APAF1: variants seen among roughly 807,000 people sequenced by gnomAD.
APAF1 encodes apoptotic peptidase activating factor 1.
APAF1 carries 91 observed loss-of-function variants against 152.4 expected under a neutral mutation model. That is an observed-to-expected ratio of 0.60 (90% CI 0.50 to 0.71). The LOEUF is 0.71. Among genes scored for constraint, APAF1 ranks in the 30% least tolerant of loss-of-function variants. APAF1 has a pLI of 0.00. For missense variants in APAF1, 1,283 were observed against 1,472.0 expected, an observed-to-expected ratio of 0.87 and a Z score of 2.10; for synonymous variants, 484 against 494.1, an observed-to-expected ratio of 0.98 and a Z score of 0.27.
intron 4 of APAF1, among the ~76,000 whole-genome samples, chr12:98,652,907 G>T (rs1482912590): frequency 1.3e-5 from 2 of 152,176 alleles, no homozygotes; most frequent in African/African-American, 4.8e-5. Context: ...TTACAGGCGT[G>T]AGCCACTGTG....
rs2097764235 is a variant in APAF1, at chr12:98,732,815, A to C, written c.*249A>C. On this transcript the variant is annotated 3_prime_UTR_variant, in exon 27 of 27. Coordinates refer to ENST00000551964, the MANE Select transcript of APAF1 (RefSeq NM_181861.2). Reference sequence around the variant, plus strand: ...AGGATGCAAATGAAAATGTGAATACATACCTTGTTGTACTGTTGGTAAAAT... The same window carrying C: ...AGGATGCAAATGAAAATGTGAATACCTACCTTGTTGTACTGTTGGTAAAAT... The C allele has an allele frequency of 8.9e-6, 4 of 451,546 alleles. No individual in the cohort carries two copies. Among genetic ancestry groups the C allele is most frequent in the Non-Finnish European group, 1.6e-5 (4 of 249,890 alleles). The allele number at this position is 451,546 out of a possible 1,614,324, so 28.0% of individuals were successfully genotyped here. A position where few individuals can be genotyped will look rare whatever the true frequency, so the allele number is the denominator to read the frequency against.
At chr12:98,709,950 G>A (rs1277875899) in intron 20 of APAF1, among the ~76,000 whole-genome samples, 1 of 152,068 alleles carries the variant, frequency 6.6e-6, no homozygotes, top group Non-Finnish European at 1.5e-5. Context: ...ATCTTGGCTC[G>A]CTGCAACCTC....
intron 5 of APAF1, among the ~76,000 whole-genome samples, chr12:98,660,248 A>T (rs1286536836): frequency 6.6e-6 from 1 of 152,118 alleles, no homozygotes; most frequent in Non-Finnish European, 1.5e-5. Flanking sequence ...CAGGAGGCTA[A>T]GGTGGGAGGA....
rs2097671817 is a variant in APAF1 at position 98,665,679 on chromosome 12, A to T, written c.1082A>T (p.Tyr361Phe). The change falls in exon 8 of 27, where the codon TAT becomes TTT. Residue 361 changes from tyrosine (Y) to phenylalanine (F), a missense_variant. Transcript: ENST00000551964. Reference protein sequence around the residue: ...KRIRKSSSYDYEALDEAMSIS... With the variant: ...KRIRKSSSYDFEALDEAMSIS... Reference sequence around the variant, plus strand: ...ATAAGGAAATCTTCGTCTTATGATTATGAGGCTCTAGATGAAGCCATGTCT... The same window carrying T: ...ATAAGGAAATCTTCGTCTTATGATTTTGAGGCTCTAGATGAAGCCATGTCT... 7.4e-6 allele frequency: 12 copies of T among 1,614,064 alleles called. No homozygotes were observed. The highest frequency in any genetic ancestry group is 1.0e-5 in the Non-Finnish European group (12 of 1,179,944).
chr12:98,689,876 T>C (rs578078931), intron 16 of APAF1, among the ~76,000 whole-genome samples: 7 of 152,368 alleles, frequency 4.6e-5, no homozygotes, highest in South Asian at 2.1e-4. Context: ...TTTCCACTTA[T>C]AAATGTGTTG....
At chr12:98,714,344 T>A (rs1290465537) in intron 21 of APAF1, among the ~76,000 whole-genome samples, 1 of 152,256 alleles carries the variant, frequency 6.6e-6, no homozygotes, top group Non-Finnish European at 1.5e-5. Context: ...AGCATTTACC[T>A]ATAAAGTGGC....
chr12:98,728,222 A>G (rs1408789736), intron 26 of APAF1, among the ~76,000 whole-genome samples: 1 of 152,154 alleles, frequency 6.6e-6, no homozygotes, highest in African/African-American at 2.4e-5. Flanking sequence ...GTCATTCACA[A>G]TTAACTATGT....
chr12:98,665,744 T>C lies in APAF1; in HGVS notation c.1147T>C (p.Tyr383His). 2 of 1,614,114 alleles carry C rather than the reference T, an allele frequency of 1.2e-6. No individual in the cohort carries two copies. Among genetic ancestry groups the C allele is most frequent in the Non-Finnish European group, 1.7e-6 (2 of 1,179,980 alleles). The change falls in exon 8 of 27, where the codon TAC (tyrosine) becomes CAC (histidine). Residue 383 changes from tyrosine to histidine, a missense_variant. Coordinates refer to ENST00000551964, the MANE Select transcript of APAF1 (RefSeq NM_181861.2). ...GCTCAGAGAAGACATCAAAGATTAT[T>C]ACACAGATCTTTCCATCCTTCAGAA... ...EMLREDIKDY[Y>H]TDLSILQKDV...
intron 26 of APAF1, among the ~76,000 whole-genome samples, chr12:98,732,114 T>A (rs994919146): frequency 6.6e-6 from 1 of 152,046 alleles, no homozygotes; most frequent in Non-Finnish European, 1.5e-5. Flanking sequence ...GAGAGTTGAG[T>A]CTGGCCACTG....
rs2097728961 is a variant in APAF1 at position 98,712,389 on chromosome 12, C to T, written c.2912C>T (p.Pro971Leu). The T allele has an allele frequency of 6.2e-7, 1 of 1,613,076 alleles. No individual in the cohort carries two copies. Among genetic ancestry groups the T allele is most frequent in the African/African-American group, 1.3e-5 (1 of 74,998 alleles). ...EAQVSCCCLS[P>L]HLQYIAFGDE... ...CAAGTTAGCTGCTGTTGCTTAAGTCCACATCTTCAGTACATTGCATTTGGA... is the reference window on the plus strand; with the variant it reads ...CAAGTTAGCTGCTGTTGCTTAAGTCTACATCTTCAGTACATTGCATTTGGA... Residue 971 changes from proline (P) to leucine (L), a missense_variant, in exon 21 of 27, where the codon CCA becomes CTA. Transcript: ENST00000551964.
Position 98,712,354 on chromosome 12 carries a change from G to C in APAF1, c.2877G>C (p.Leu959=), listed in dbSNP as rs879103641. 1.2e-6 allele frequency: 2 copies of C among 1,613,120 alleles called. No homozygotes were observed. The highest frequency in any genetic ancestry group is 2.7e-5 in the African/African-American group (2 of 74,844). Reference sequence around the variant, plus strand: ...GAAGAACAGGTCAGATTGATTATCTGACTGAAGCTCAAGTTAGCTGCTGTT... The same window carrying C: ...GAAGAACAGGTCAGATTGATTATCTCACTGAAGCTCAAGTTAGCTGCTGTT... ...INGRTGQIDY[L]TEAQVSCCCL... Residue 959 remains leucine, a synonymous_variant, in exon 21 of 27, where the codon CTG becomes CTC. Coordinates refer to ENST00000551964, the MANE Select transcript of APAF1 (RefSeq NM_181861.2).
chr12:98,688,472 T>C (rs2097700371), intron 16 of APAF1, among the ~76,000 whole-genome samples: 1 of 2,152 alleles, frequency 4.6e-4, no homozygotes, highest in African/African-American at 3.3e-3. Context: ...TTTTCTTTCT[T>C]TTTTTTTTTT....
intron 21 of APAF1, chr12:98,712,683 A>T (rs1007074867): frequency 5.2e-5 from 18 of 349,252 alleles, no homozygotes; most frequent in Middle Eastern, 8.6e-4. Context: ...TGCCCGACTA[A>T]TTTTTTTTTT....
chr12:98,693,333 A>G (rs2097706354), intron 16 of APAF1, among the ~76,000 whole-genome samples: 1 of 151,962 alleles, frequency 6.6e-6, no homozygotes, highest in African/African-American at 2.4e-5. Flanking sequence ...GCCTCAAGTG[A>G]TCCTTTGGCC....
chr12:98,666,204 C>G lies in APAF1; in HGVS notation c.1209C>G (p.Leu403=), dbSNP rs1285310565. The change falls in exon 9 of 27, where the codon CTC becomes CTG. Residue 403 remains leucine, a synonymous_variant. Transcript: ENST00000551964. ...ACAATTCCTAGGTGTTATGTATTCT[C>G]TGGGACATGGAAACTGAAGAAGTTG... ...VKVPTKVLCI[L]WDMETEEVED... is the part of the protein sequence containing the mutation. 1 of 1,613,788 alleles carries G rather than the reference C, an allele frequency of 6.2e-7. No homozygotes were observed. Among genetic ancestry groups the G allele is most frequent in the South Asian group, 1.1e-5 (1 of 91,056 alleles).
chr12:98,712,122 C>G (rs1181793366), intron 20 of APAF1, among the ~76,000 whole-genome samples, 197 bp from the exon 21 acceptor site: 2 of 152,158 alleles, frequency 1.3e-5, no homozygotes, highest in Non-Finnish European at 2.9e-5. Flanking sequence ...GTATTTGAAC[C>G]ACCAAAGTGG....
intron 17 of APAF1, among the ~76,000 whole-genome samples, chr12:98,700,291 A>T (rs1212669553): frequency 2.6e-5 from 4 of 152,240 alleles, no homozygotes; most frequent in African/African-American, 9.6e-5. Flanking sequence ...GATTAGGAGA[A>T]CCAGATCTTC....
intron 12 of APAF1, 35 bp from the exon 13 acceptor site, chr12:98,677,386 CATTT>C: frequency 6.2e-7 from 1 of 1,602,452 alleles, no homozygotes; most frequent in Non-Finnish European, 8.5e-7. Context: ...CTTTTACTCT[CATTT>C]ATTTAATTTC....
chr12:98,690,707 C>G (rs770122877), intron 16 of APAF1, among the ~76,000 whole-genome samples: 9 of 152,086 alleles, frequency 5.9e-5, no homozygotes, highest in Non-Finnish European at 1.3e-4. Flanking sequence ...TCTGTTCATC[C>G]CTAATTTATT....
Sources: gnomAD v4.1 joint callset for allele counts (sites outside exome capture counted in the v4.1 genomes callset) on GRCh38, gnomAD v4.1.1 for gene constraint, MANE v1.5 for transcripts, NCBI Gene and HGNC (gene_info 2026-07-23, HGNC 2026-07-21) for gene names.